Variants in ATG16L1 observed in about 807,000 individuals in gnomAD.
ATG16L1 encodes autophagy-related protein 16-1.
ATG16L1 carries 37 observed loss-of-function variants against 88.5 expected under a neutral mutation model. The ratio of observed to expected loss-of-function variants is 0.42; its 90% CI spans 0.32 to 0.55. The LOEUF (loss-of-function observed/expected upper bound fraction) is 0.55, where lower values mean the gene tolerates loss of function less well. Ranked by LOEUF, ATG16L1 falls within the 20% of genes least tolerant of loss-of-function variation. The probability of loss-of-function intolerance (pLI) is 0.13; values close to 1 mark genes in which losing one functional copy is unlikely to be tolerated. For synonymous variants in ATG16L1, 301 were observed against 281.0 expected (o/e 1.07, Z -0.71); for missense variants, 554 against 752.8 (o/e 0.74, Z 3.09).
chr2:233,263,961 A>C, intron 3 of ATG16L1, 31 bp from the exon 4 acceptor site: 1 of 1,609,308 alleles, frequency 6.2e-7, no homozygotes. Context: ...TAAAATTTTT[A>C]TTTATGAAAG....
intron 1 of ATG16L1, among the ~76,000 whole-genome samples, chr2:233,253,945 G>T (rs1354089987): frequency 2.0e-5 from 3 of 152,130 alleles, no homozygotes; most frequent in African/African-American, 7.2e-5. Context: ...AGTCAAATTG[G>T]GTGGGAGGCT....
intron 12 of ATG16L1, chr2:233,288,610 C>G (rs1699238308): frequency 2.6e-6 from 1 of 388,120 alleles, no homozygotes; most frequent in South Asian, 2.0e-5. Flanking sequence ...AAGAAAACAT[C>G]AGTGAATACC....
chr2:233,274,524 G>A, intron 8 of ATG16L1, 152 bp from the exon 9 acceptor site: 1 of 559,674 alleles, frequency 1.8e-6, no homozygotes. Flanking sequence ...ATTTTTTTGT[G>A]AATTGTTCTG....
At chr2:233,256,034 G>T in intron 1 of ATG16L1, 68 bp from the exon 2 acceptor site, 2 of 1,282,210 alleles carry the variant, frequency 1.6e-6, no homozygotes, top group South Asian at 2.4e-5. Context: ...ACATGACAAG[G>T]TAGGTACCTA....
chr2:233,292,371 C>G lies in ATG16L1; in HGVS notation c.1581-16C>G. The G allele has an allele frequency of 6.2e-7, 1 of 1,614,008 alleles. No individual in the cohort carries two copies. Among genetic ancestry groups the G allele is most frequent in the Middle Eastern group, 1.7e-4 (1 of 5,922 alleles). On this transcript the variant is annotated splice_polypyrimidine_tract_variant and intron_variant, in intron 15 of 17. Coordinates refer to ENST00000392017, the MANE Select transcript of ATG16L1 (RefSeq NM_030803.7). ...CCTGAGCTCCCTCAGTGACAGTGCCCTGTTGTTTGTTTCAGTGCACCTGGG... is the reference window on the plus strand; with the variant it reads ...CCTGAGCTCCCTCAGTGACAGTGCCGTGTTGTTTGTTTCAGTGCACCTGGG...
chr2:233,268,391 G>A (rs181642997), intron 5 of ATG16L1, among the ~76,000 whole-genome samples: 2 of 152,306 alleles, frequency 1.3e-5, no homozygotes, highest in South Asian at 2.1e-4. Context: ...CACAGGAAGC[G>A]GAGATTGCAG....
intron 5 of ATG16L1, among the ~76,000 whole-genome samples, 188 bp downstream of exon 5, chr2:233,265,331 A>G (rs532869352): frequency 6.6e-6 from 1 of 152,378 alleles, no homozygotes; most frequent in South Asian, 2.1e-4. Flanking sequence ...GAAATACACC[A>G]CAATTAGAAT....
chr2:233,277,682 C>T lies in ATG16L1; in HGVS notation c.1060+9C>T, dbSNP rs760587289. ...TTGGGAAGTATTTGGAGGTGAGAGC[C>T]TGCTGCATGTTCTCAGACTGAAAAC... On this transcript the variant is annotated intron_variant, in intron 10 of 17. Transcript: ENST00000392017. The T allele has an allele frequency of 1.9e-6, 3 of 1,609,648 alleles. No individual in the cohort carries two copies. The Admixed American group carries it at 5.0e-5, about 27-fold the overall frequency.
At chr2:233,285,000 G>GC (rs1698983307) in intron 12 of ATG16L1, among the ~76,000 whole-genome samples, 1 of 152,248 alleles carries the variant, frequency 6.6e-6, no homozygotes, top group Non-Finnish European at 1.5e-5. Flanking sequence ...GAGCTGAGGA[G>GC]CCTATGTTCT....
intron 1 of ATG16L1, among the ~76,000 whole-genome samples, chr2:233,253,181 A>T (rs1214589448): frequency 6.6e-6 from 1 of 152,128 alleles, no homozygotes; most frequent in Non-Finnish European, 1.5e-5. Flanking sequence ...AAATTTTAGT[A>T]CTGTGGTAAG....
chr2:233,274,565 C>T, intron 8 of ATG16L1, 111 bp from the exon 9 acceptor site: 2 of 702,442 alleles, frequency 2.8e-6, no homozygotes, highest in South Asian at 4.0e-5. Context: ...GACAGGCTAT[C>T]AACAGAGGCA....
chr2:233,273,933 C>T (rs1334960020), intron 8 of ATG16L1, 156 bp downstream of exon 8: 104 of 1,531,304 alleles, frequency 6.8e-5, no homozygotes, highest in Non-Finnish European at 8.7e-5. Context: ...TTCCTTTTTT[C>T]CTCAACTTCC....
chr2:233,269,930 C>A (rs1354381912), intron 5 of ATG16L1, 72 bp from the exon 6 acceptor site: 7 of 1,488,508 alleles, frequency 4.7e-6, no homozygotes, highest in Non-Finnish European at 6.3e-6. Context: ...CTGGTGGCTT[C>A]TAGAGAGCCC....
rs1699717409 is a variant in ATG16L1 at position 233,295,057 on chromosome 2, C to T, written c.*707C>T. ...CTTTTCCAGGGAAATGGGTTCGCTG[C>T]AGAGGTAAGGATGTGTTCCTGTATC... On this transcript the variant is annotated 3_prime_UTR_variant, in exon 18 of 18. Transcript: ENST00000392017. 6.6e-6 allele frequency: 1 copy of T among 152,446 alleles called. No individual in the cohort carries two copies. Among genetic ancestry groups the T allele is most frequent in the Non-Finnish European group, 1.5e-5 (1 of 68,054 alleles). 9.4% of individuals were successfully genotyped at this position (152,446 alleles called of 1,614,324 possible).
Position 233,267,070 on chromosome 2 carries a change from C to T in ATG16L1, c.641+1927C>T, listed in dbSNP as rs141276051. ...ATACTGTTAGAAGGTGTAAGATTGG[C>T]CTGGTGTGGTGGCGCACACTGTAAT... On this transcript the variant is annotated intron_variant, in intron 5 of 17. Transcript: ENST00000392017. Among the ~76,000 whole-genome samples the T allele has an allele frequency of 9.2e-5, 14 of 152,270 alleles. No individual in the cohort carries two copies. The East Asian group carries it at 2.7e-3, about 29-fold the overall frequency.
At chr2:233,263,083 C>T in intron 2 of ATG16L1, 47 bp from the exon 3 acceptor site, 1 of 1,532,756 alleles carries the variant, frequency 6.5e-7, no homozygotes, top group South Asian at 1.1e-5. Flanking sequence ...ATTTTTCCCC[C>T]TCCGTTTTTT....
intron 1 of ATG16L1, among the ~76,000 whole-genome samples, chr2:233,253,029 C>T (rs1167680001): frequency 6.6e-6 from 1 of 152,208 alleles, no homozygotes. Flanking sequence ...TCCCAAGCCA[C>T]ACCCCAGACC....
chr2:233,283,167 C>T (rs1351171674), intron 12 of ATG16L1, among the ~76,000 whole-genome samples: 1 of 152,034 alleles, frequency 6.6e-6, no homozygotes, highest in African/African-American at 2.4e-5. Flanking sequence ...ACAAAAACTC[C>T]AAGCTGAGAA....
At chr2:233,274,807 C>A in intron 9 of ATG16L1, 29 bp downstream of exon 9, 2 of 1,539,646 alleles carry the variant, frequency 1.3e-6, no homozygotes, top group Non-Finnish European at 9.0e-7. Flanking sequence ...CGAACCCTAC[C>A]ACGCTTGATA....
Sources: gnomAD v4.1 joint callset for allele counts (sites outside exome capture counted in the v4.1 genomes callset) on GRCh38, gnomAD v4.1.1 for gene constraint, MANE v1.5 for transcripts, NCBI Gene and HGNC (gene_info 2026-07-23, HGNC 2026-07-21) for gene names.